MOB1B: variants seen among roughly 807,000 people sequenced by gnomAD.
MOB1B encodes the protein MOB kinase activator 1B.
Under a neutral mutation model 24.4 loss-of-function variants are expected in MOB1B, and 19 were observed. The ratio of observed to expected loss-of-function variants is 0.78; its 90% CI spans 0.54 to 1.14. MOB1B has a LOEUF of 1.14. Among genes scored for constraint, MOB1B ranks in the 50% most tolerant of loss-of-function variants. MOB1B has a pLI of 0.00. For missense variants in MOB1B, 243 were observed against 259.6 expected, an observed-to-expected ratio of 0.94 and a Z score of 0.44; for synonymous variants, 76 against 82.1, an observed-to-expected ratio of 0.93 and a Z score of 0.40.
chr4:70,902,785 T>TC (rs983415913), intron 1 of MOB1B, among the ~76,000 whole-genome samples: 3 of 151,824 alleles, frequency 2.0e-5, no homozygotes, highest in East Asian at 1.9e-4. Context: ...AGGAGGTTCT[T>TC]CCCCCCCGGC....
intron 1 of MOB1B, among the ~76,000 whole-genome samples, chr4:70,952,677 A>G (rs1009195945): frequency 6.6e-6 from 1 of 151,590 alleles, no homozygotes; most frequent in African/African-American, 2.4e-5. Context: ...AAAACAAAAA[A>G]AAAACTTTCT....
rs1420060462 is a variant in MOB1B at position 70,983,815 on chromosome 4, A to G, written c.*1758A>G. On this transcript the variant is annotated 3_prime_UTR_variant, in exon 6 of 6. Transcript: ENST00000309395. The stretch of plus-strand genomic sequence containing the variant: ...GTACCAACAGTAGAAGTAACAGGAA[A>G]GCCTGGCAGAGTTAAATATCTTGGA... 6.6e-6 allele frequency: 1 copy of G among 152,594 alleles called. No homozygotes were observed. Among genetic ancestry groups the G allele is most frequent in the Admixed American group, 6.5e-5 (1 of 15,282 alleles). 9.5% of individuals were successfully genotyped at this position (152,594 alleles called of 1,614,324 possible). A position where few individuals can be genotyped will look rare whatever the true frequency, so the allele number is the denominator to read the frequency against.
At chr4:70,908,815 G>A (rs890243776) in intron 1 of MOB1B, among the ~76,000 whole-genome samples, 2 of 150,190 alleles carry the variant, frequency 1.3e-5, no homozygotes, top group African/African-American at 4.9e-5. Context: ...ACTTTGGGAG[G>A]CTGAGGCGGG....
chr4:70,969,706 G>A (rs771314868), intron 2 of MOB1B, among the ~76,000 whole-genome samples: 1 of 152,036 alleles, frequency 6.6e-6, no homozygotes, highest in East Asian at 1.9e-4. Context: ...GTTTGTATGC[G>A]TTGCAAATAA....
chr4:70,903,384 G>A (rs1489312453), intron 1 of MOB1B, among the ~76,000 whole-genome samples: 2 of 152,184 alleles, frequency 1.3e-5, no homozygotes, highest in Non-Finnish European at 2.9e-5. Context: ...CCAGACGAGT[G>A]GAGGGGAACG....
At chr4:70,921,043 G>GT (rs1434922042) in intron 1 of MOB1B, among the ~76,000 whole-genome samples, 2 of 152,094 alleles carry the variant, frequency 1.3e-5, no homozygotes, top group Admixed American at 6.6e-5. Context: ...AAATATCATG[G>GT]TTTTTTATAT....
At chr4:70,950,312 T>A (rs1737749410) in intron 1 of MOB1B, among the ~76,000 whole-genome samples, 1 of 151,514 alleles carries the variant, frequency 6.6e-6, no homozygotes, top group Non-Finnish European at 1.5e-5. Context: ...GGTGGGTGCC[T>A]GTAGTCCCAG....
At chr4:70,972,569 G>T (rs1738800454) in intron 3 of MOB1B, among the ~76,000 whole-genome samples, 1 of 152,070 alleles carries the variant, frequency 6.6e-6, no homozygotes, top group African/African-American at 2.4e-5. Flanking sequence ...GGAGTTTGCA[G>T]TTTACAAGTT....
At chr4:70,941,189 T>C (rs1737321303) in intron 1 of MOB1B, among the ~76,000 whole-genome samples, 1 of 150,198 alleles carries the variant, frequency 6.7e-6, no homozygotes, top group African/African-American at 2.4e-5. Flanking sequence ...TTCTATGCCA[T>C]ACACACACAG....
At chr4:70,972,647 G>A (rs985515796) in intron 3 of MOB1B, among the ~76,000 whole-genome samples, 2 of 152,160 alleles carry the variant, frequency 1.3e-5, no homozygotes, top group Admixed American at 1.3e-4. Flanking sequence ...GAAAGGCATC[G>A]CGGCAAAATA....
intron 1 of MOB1B, among the ~76,000 whole-genome samples, chr4:70,952,642 CA>C (rs541028817): frequency 0.038 from 2,077 of 54,010 alleles, 51 homozygotes; most frequent in African/African-American, 0.096. Flanking sequence ...GACGCCGTCT[CA>C]AAAAAAAAAA....
At chr4:70,929,240 G>A (rs1325001337) in intron 1 of MOB1B, among the ~76,000 whole-genome samples, 7 of 135,636 alleles carry the variant, frequency 5.2e-5, no homozygotes, top group Admixed American at 1.7e-4. Flanking sequence ...GTGCAGTGGC[G>A]TGATCTTGGC....
At chr4:70,941,102 T>C (rs1737314956) in intron 1 of MOB1B, among the ~76,000 whole-genome samples, 1 of 152,160 alleles carries the variant, frequency 6.6e-6, no homozygotes. Context: ...ACATGTACAT[T>C]GTCTGATTTT....
At chr4:70,929,913 A>C (rs931663359) in intron 1 of MOB1B, among the ~76,000 whole-genome samples, 1 of 151,982 alleles carries the variant, frequency 6.6e-6, no homozygotes, top group Non-Finnish European at 1.5e-5. Context: ...CACTGCGCCC[A>C]GCCTTAATTT....
intron 1 of MOB1B, among the ~76,000 whole-genome samples, chr4:70,955,868 CATTTAT>C (rs1464220899): frequency 6.6e-6 from 1 of 151,774 alleles, no homozygotes; most frequent in East Asian, 1.9e-4. Context: ...ATATTATTAC[CATTTAT>C]ATTTATATAA....
chr4:70,961,188 CAGTTATACTGTAGTAAA>C (rs1349218926), intron 2 of MOB1B, among the ~76,000 whole-genome samples: 1 of 152,150 alleles, frequency 6.6e-6, no homozygotes, highest in Non-Finnish European at 1.5e-5. Context: ...AGAACAATTA[CAGTTATACTGTAGTAAA>C]AGTTATGTGA....
At chr4:70,950,427 C>CAAAAAA (rs34937726) in intron 1 of MOB1B, among the ~76,000 whole-genome samples, 4 of 70,384 alleles carry the variant, frequency 5.7e-5, no homozygotes, top group Admixed American at 1.6e-4. Context: ...GTCTCTGTAT[C>CAAAAAA]AAAAAAAAAA....
intron 1 of MOB1B, among the ~76,000 whole-genome samples, chr4:70,928,727 T>C (rs1736756036): frequency 6.6e-6 from 1 of 152,186 alleles, no homozygotes; most frequent in Non-Finnish European, 1.5e-5. Flanking sequence ...GAGTTTAGAA[T>C]ACCTATTTAT....
Position 70,920,204 on chromosome 4 carries a change from A to C in MOB1B, c.14+17654A>C, listed in dbSNP as rs528051255. ...CTTTTCTGACAAAATATTTGATTTA[A>C]GCTCCTCTTCCTCTTCCTCCTCCTC... On this transcript the variant is annotated intron_variant, in intron 1 of 5. Transcript: ENST00000309395. Among the ~76,000 whole-genome samples, 8 of 152,164 alleles carry C rather than the reference A, an allele frequency of 5.3e-5. No individual in the cohort carries two copies. In the East Asian group the frequency reaches 1.4e-3, roughly 26 times the overall value.
Sources: allele counts gnomAD v4.1 joint callset (sites outside exome capture counted in the v4.1 genomes callset), GRCh38; gene constraint gnomAD v4.1.1; transcripts MANE v1.5; gene names NCBI Gene and HGNC (gene_info 2026-07-23, HGNC 2026-07-21).